RTCB: variants seen among roughly 807,000 people sequenced by gnomAD.
RTCB encodes RNA 2',3'-cyclic phosphate and 5'-OH ligase, also known as RNA-splicing ligase RTCB.
In RTCB, 32 loss-of-function variants were observed where a neutral mutation model predicts 58.2. The observed-to-expected ratio is 0.55, with a 90% CI of 0.41 to 0.74. The LOEUF (loss-of-function observed/expected upper bound fraction) is 0.74, where lower values mean the gene tolerates loss of function less well. RTCB is among the 30% of genes least tolerant of loss of function. RTCB has a pLI of 0.00. For missense variants in RTCB, 523 were observed against 639.0 expected (o/e 0.82, Z 1.96); for synonymous variants, 247 against 218.6 (o/e 1.13, Z -1.15).
In RTCB at chr22:32,411,956, G is replaced by C. The variant is rs1933533253; in HGVS notation, c.93+108C>G. On this transcript the variant is annotated intron_variant, in intron 1 of 11. Transcript: ENST00000216038. ...GGACGGGATGAGGGAAACTCTGCAA[G>C]GGGCCGGGGCGGACCCAGTGGTCAG... The C allele has an allele frequency of 3.9e-6, 3 of 771,456 alleles. No homozygotes were observed. In the African/African-American group the frequency reaches 5.4e-5, roughly 14 times the overall value. The allele number at this position is 771,456 out of a possible 1,614,324, so 47.8% of individuals were successfully genotyped here. A position where few individuals can be genotyped will look rare whatever the true frequency, so the allele number is the denominator to read the frequency against.
intron 4 of RTCB, 79 bp downstream of exon 4, chr22:32,406,583 A>C: frequency 1.1e-6 from 1 of 935,960 alleles, no homozygotes; most frequent in South Asian, 1.3e-5. Context: ...GGCCTCCCAA[A>C]GTGCTGGGAT....
chr22:32,389,785 C>T (rs1933121137), intron 11 of RTCB, among the ~76,000 whole-genome samples: 1 of 152,204 alleles, frequency 6.6e-6, no homozygotes, highest in South Asian at 2.1e-4. Context: ...CATCAACATG[C>T]AAACACATTT....
At chr22:32,404,833 C>G (rs181869582) in intron 4 of RTCB, among the ~76,000 whole-genome samples, 2 of 151,970 alleles carry the variant, frequency 1.3e-5, no homozygotes, top group East Asian at 3.9e-4. Context: ...GCGCATGCCC[C>G]CATGCCCGGC....
In RTCB at chr22:32,392,271, C is replaced by T. The variant is rs1222280049; in HGVS notation, c.1379G>A (p.Arg460His). 3.7e-6 allele frequency: 6 copies of T among 1,613,628 alleles called. No homozygotes were observed. Among genetic ancestry groups the T allele is most frequent in the Admixed American group, 3.3e-5 (2 of 59,832 alleles). ...DKLADMGIAI[R>H]VASPKLVMEE... ...CATAACCAGTTTGGGTGAGGCAACA[C>T]GGATCGCAATTCCCATATCTGCCAA... The change falls in exon 11 of 12, where the codon CGT (arginine) becomes CAT (histidine). Residue 460 changes from arginine (R) to histidine (H), a missense_variant. Arg to His is a conservative substitution (Grantham distance 29, BLOSUM62 0). Around this residue, in one of 3 missense-constraint regions of RTCB, gnomAD observed 248 missense variants for 292.5 expected, o/e 0.85. Coordinates refer to ENST00000216038, the MANE Select transcript of RTCB (RefSeq NM_014306.5).
At chr22:32,396,390 C>T in intron 7 of RTCB, 141 bp from the exon 8 acceptor site, 1 of 780,766 alleles carries the variant, frequency 1.3e-6, no homozygotes, top group Non-Finnish European at 2.0e-6. Flanking sequence ...TAATGTGTTT[C>T]TGAGTTCATC....
In RTCB at chr22:32,408,847, A is replaced by G; in HGVS notation, c.94-14T>C. 6.3e-7 allele frequency: 1 copy of G among 1,599,554 alleles called. No individual in the cohort carries two copies. The highest frequency in any genetic ancestry group is 8.6e-7 in the Non-Finnish European group (1 of 1,166,666). On this transcript the variant is annotated splice_polypyrimidine_tract_variant and intron_variant, in intron 1 of 11. Coordinates refer to ENST00000216038, the MANE Select transcript of RTCB (RefSeq NM_014306.5). Reference sequence around the variant, plus strand: ...AACACCTTCAACCTAGTACCAAGGAAAGTGAAAAGCAATGTCTGAGTACAT... The same window carrying G: ...AACACCTTCAACCTAGTACCAAGGAGAGTGAAAAGCAATGTCTGAGTACAT...
At chr22:32,394,624 G>A in intron 9 of RTCB, among the ~76,000 whole-genome samples, 1 of 152,148 alleles carries the variant, frequency 6.6e-6, no homozygotes, top group Admixed American at 6.5e-5. Context: ...TGTCTTCTCT[G>A]TTTTGGGTTT....
At chr22:32,399,531 T>G in intron 6 of RTCB, 72 bp downstream of exon 6, 1 of 1,387,254 alleles carries the variant, frequency 7.2e-7, no homozygotes, top group East Asian at 2.3e-5. Flanking sequence ...ATGTAAGATA[T>G]AGATTTTTTT....
intron 7 of RTCB, 46 bp downstream of exon 7, chr22:32,397,895 T>G: frequency 6.4e-7 from 1 of 1,556,756 alleles, no homozygotes. Flanking sequence ...AATTTCTATC[T>G]GGTTGCCCAT....
chr22:32,402,076 T>A (rs1035305946), intron 4 of RTCB, among the ~76,000 whole-genome samples, 173 bp from the exon 5 acceptor site: 1 of 152,192 alleles, frequency 6.6e-6, no homozygotes, highest in Admixed American at 6.5e-5. Context: ...CAAGATAATC[T>A]AAAGTAACAT....
intron 5 of RTCB, among the ~76,000 whole-genome samples, chr22:32,401,396 T>A (rs1933333855): frequency 6.6e-6 from 1 of 152,124 alleles, no homozygotes; most frequent in Non-Finnish European, 1.5e-5. Flanking sequence ...CTAAGCTTAT[T>A]ACCTCTCTAA....
At chr22:32,395,622 C>G (rs1176131963) in intron 8 of RTCB, among the ~76,000 whole-genome samples, 2 of 152,232 alleles carry the variant, frequency 1.3e-5, no homozygotes, top group African/African-American at 4.8e-5. Flanking sequence ...ACCTTGGACA[C>G]TTCTCTGGTA....
chr22:32,410,347 G>A (rs547735197), intron 1 of RTCB, among the ~76,000 whole-genome samples: 1 of 152,270 alleles, frequency 6.6e-6, no homozygotes, highest in South Asian at 2.1e-4. Context: ...GATGGGAAGG[G>A]AGTGTTTTAA....
intron 11 of RTCB, among the ~76,000 whole-genome samples, chr22:32,391,073 A>T (rs1002845082): frequency 6.6e-6 from 1 of 152,190 alleles, no homozygotes; most frequent in Admixed American, 6.5e-5. Context: ...AAGTACTGGG[A>T]TTATAGGCAT....
At chr22:32,399,523 G>GT (rs1389150719) in intron 6 of RTCB, 80 bp downstream of exon 6, 1 of 1,319,410 alleles carries the variant, frequency 7.6e-7, no homozygotes, top group Admixed American at 2.1e-5. Flanking sequence ...TTTGCTAAAT[G>GT]TAAGATATAG....
intron 11 of RTCB, 122 bp downstream of exon 11, chr22:32,392,118 A>G (rs1933162344): frequency 1.9e-6 from 2 of 1,053,042 alleles, no homozygotes; most frequent in South Asian, 3.7e-5. Flanking sequence ...AATTGAGGTC[A>G]TAAAAAAAAA....
Position 32,397,872 on chromosome 22 carries a change from G to A in RTCB, c.814+69C>T, listed in dbSNP as rs906086748. 1.2e-4 allele frequency: 183 copies of A among 1,485,126 alleles called. 3 individuals are homozygous for A. In the South Asian group the frequency reaches 2.1e-3, roughly 17 times the overall value. The allele number at this position is 1,485,126 out of a possible 1,614,324, so 92.0% of individuals were successfully genotyped here. ...TAAAACCCATGCAGTATATTTCAGAGTTTTCGCTCTTAAATTTCTATCTGG... is the reference window on the plus strand; with the variant it reads ...TAAAACCCATGCAGTATATTTCAGAATTTTCGCTCTTAAATTTCTATCTGG... On this transcript the variant is annotated intron_variant, in intron 7 of 11. Coordinates refer to ENST00000216038, the MANE Select transcript of RTCB (RefSeq NM_014306.5).
At chr22:32,396,737 A>G (rs1164898787) in intron 7 of RTCB, among the ~76,000 whole-genome samples, 3 of 152,218 alleles carry the variant, frequency 2.0e-5, no homozygotes, top group African/African-American at 7.2e-5. Flanking sequence ...ATTCTCACAC[A>G]ATAAAATGGA....
intron 1 of RTCB, among the ~76,000 whole-genome samples, chr22:32,411,184 C>T (rs1206788974): frequency 1.3e-5 from 2 of 152,198 alleles, no homozygotes; most frequent in Non-Finnish European, 2.9e-5. Flanking sequence ...AATGGAGTGA[C>T]TATTGGGAGC....
Sources: allele counts gnomAD v4.1 joint callset (sites outside exome capture counted in the v4.1 genomes callset), GRCh38; gene constraint gnomAD v4.1.1; regional missense constraint gnomAD v4.1.1; transcripts MANE v1.5; gene names NCBI Gene and HGNC (gene_info 2026-07-23, HGNC 2026-07-21).